CCSER1: variants seen among roughly 807,000 people sequenced by gnomAD.
CCSER1 encodes the protein coiled-coil serine rich protein 1.
CCSER1 carries 41 observed loss-of-function variants against 82.0 expected under a neutral mutation model. The observed-to-expected ratio is 0.50, with a 90% CI of 0.39 to 0.65. CCSER1 has a LOEUF of 0.65. Among genes scored for constraint, CCSER1 ranks in the 30% least tolerant of loss-of-function variants. The pLI, the probability that CCSER1 is intolerant of heterozygous loss-of-function variation, is 0.00. For missense variants in CCSER1, 1,119 were observed against 1,064.2 expected, an observed-to-expected ratio of 1.05 and a Z score of -0.72; for synonymous variants, 414 against 383.9, an observed-to-expected ratio of 1.08 and a Z score of -0.92.
chr4:90,986,704 GC>G, intron 9 of CCSER1, among the ~76,000 whole-genome samples: 1 of 151,856 alleles, frequency 6.6e-6, no homozygotes, highest in East Asian at 2.0e-4. Context: ...TAAAAAAATG[GC>G]AGTAGAAACA....
At position 90,937,799 on chromosome 4, in the gene CCSER1, A is replaced by G. The variant is rs1436318096; in HGVS notation, c.2172+14352A>G. Among the ~76,000 whole-genome samples the G allele has an allele frequency of 7.4e-4, 113 of 152,176 alleles. 1 individual carries two copies. The highest frequency in any genetic ancestry group is 1.2e-4 in the Non-Finnish European group (8 of 68,034). ...TCCAATTTCATATCCTTGATTGGAC[A>G]ACGCAAACAAGGAGTGATTTCTCTT... On this transcript the variant is annotated intron_variant, in intron 9 of 10. Transcript: ENST00000509176.
At chr4:90,740,205 A>C (rs950304434) in intron 7 of CCSER1, among the ~76,000 whole-genome samples, 30 of 152,320 alleles carry the variant, frequency 2.0e-4, no homozygotes, top group African/African-American at 7.2e-4. Context: ...TAAATTCTAA[A>C]TTGAGATATC....
chr4:90,738,409 AT>A (rs1050567898), intron 7 of CCSER1, among the ~76,000 whole-genome samples: 10 of 151,178 alleles, frequency 6.6e-5, no homozygotes, highest in South Asian at 6.3e-4. Flanking sequence ...GGTCAGGCGA[AT>A]TTTTTTTTGC....
At chr4:90,549,119 T>G (rs1777148356) in intron 5 of CCSER1, among the ~76,000 whole-genome samples, 1 of 152,190 alleles carries the variant, frequency 6.6e-6, no homozygotes, top group South Asian at 2.1e-4. Flanking sequence ...TGTGAGCATT[T>G]TTCACTAATC....
rs539845956 is a variant in CCSER1 at position 90,505,470 on chromosome 4, T to C, written c.1724+37116T>C. Among the ~76,000 whole-genome samples, 8 of 152,284 alleles carry C rather than the reference T, an allele frequency of 5.3e-5. No individual in the cohort carries two copies. In the South Asian group the frequency reaches 1.7e-3, roughly 32 times the overall value. On this transcript the variant is annotated intron_variant, in intron 5 of 10. Transcript: ENST00000509176. Reference sequence around the variant, plus strand: ...CTAAGTGATGCTGATTGATCTTAATTTGGGGTCTTGGGGGATGTCTCCATT... The same window carrying C: ...CTAAGTGATGCTGATTGATCTTAATCTGGGGTCTTGGGGGATGTCTCCATT...
At chr4:90,228,929 T>C (rs1392504064) in intron 1 of CCSER1, among the ~76,000 whole-genome samples, 1 of 152,064 alleles carries the variant, frequency 6.6e-6, no homozygotes, top group Non-Finnish European at 1.5e-5. Context: ...GAAAAAAGAA[T>C]AAAAAGAAAC....
At chr4:90,758,329 T>C (rs1018313151) in intron 7 of CCSER1, among the ~76,000 whole-genome samples, 167 of 150,250 alleles carry the variant, frequency 1.1e-3, no homozygotes, top group African/African-American at 4.1e-3. Flanking sequence ...TTAATGTGTG[T>C]CTTTTATCTT....
At chr4:90,275,663 A>G (rs1727409968) in intron 1 of CCSER1, among the ~76,000 whole-genome samples, 2 of 152,156 alleles carry the variant, frequency 1.3e-5, no homozygotes, top group Non-Finnish European at 2.9e-5. Flanking sequence ...ATATTCATGA[A>G]GCAGATCTTG....
intron 6 of CCSER1, among the ~76,000 whole-genome samples, chr4:90,648,286 A>AAAGAAAGAAAGAAAGGAAAGAAAGG (rs1728019336): frequency 2.2e-5 from 2 of 92,030 alleles, no homozygotes; most frequent in Non-Finnish European, 4.6e-5. Context: ...GAAAGAAAGG[A>AAAGAAAGAAAGAAAGGAAAGAAAGG]AAGAAAGAAA....
intron 10 of CCSER1, among the ~76,000 whole-genome samples, chr4:91,593,820 G>T (rs563754756): frequency 1.3e-5 from 2 of 152,092 alleles, no homozygotes; most frequent in Admixed American, 1.3e-4. Context: ...AGTGAATGTG[G>T]TTTATTTGTT....
chr4:90,393,711 A>T (rs1443603775), intron 3 of CCSER1, among the ~76,000 whole-genome samples: 1 of 151,958 alleles, frequency 6.6e-6, no homozygotes, highest in Non-Finnish European at 1.5e-5. Context: ...AATATTAATA[A>T]AGAGATTCAT....
At chr4:90,257,214 T>TAC (rs1723482528) in intron 1 of CCSER1, among the ~76,000 whole-genome samples, 1 of 107,756 alleles carries the variant, frequency 9.3e-6, no homozygotes, top group Non-Finnish European at 1.9e-5. Flanking sequence ...AATGAAATGT[T>TAC]ATATATATAT....
chr4:90,205,147 A>C (rs1258296295), intron 1 of CCSER1, among the ~76,000 whole-genome samples: 1 of 152,204 alleles, frequency 6.6e-6, no homozygotes, highest in Non-Finnish European at 1.5e-5. Flanking sequence ...AACAGAGATA[A>C]TTTGATGTTC....
chr4:90,867,150 G>C (rs141894753), intron 8 of CCSER1, among the ~76,000 whole-genome samples: 148 of 152,098 alleles, frequency 9.7e-4, no homozygotes, highest in African/African-American at 3.1e-3. Flanking sequence ...CCATCCAGAA[G>C]GCTTTAGATG....
intron 10 of CCSER1, among the ~76,000 whole-genome samples, chr4:91,098,394 T>C (rs1396858379): frequency 6.6e-6 from 1 of 152,232 alleles, no homozygotes; most frequent in Non-Finnish European, 1.5e-5. Flanking sequence ...ACAAGAATGA[T>C]TTCAACTGGA....
At chr4:90,660,958 T>TC (rs36022552) in intron 6 of CCSER1, among the ~76,000 whole-genome samples, 5 of 151,750 alleles carry the variant, frequency 3.3e-5, no homozygotes, top group Admixed American at 2.6e-4. Flanking sequence ...ACTTGGCACA[T>TC]AGTGCTCAAT....
intron 3 of CCSER1, among the ~76,000 whole-genome samples, chr4:90,324,218 A>G (rs1737700973): frequency 6.6e-6 from 1 of 152,164 alleles, no homozygotes; most frequent in African/African-American, 2.4e-5. Flanking sequence ...TGGTATTTCT[A>G]GTTCTAGATA....
At chr4:91,276,630 G>A (rs954306975) in intron 10 of CCSER1, among the ~76,000 whole-genome samples, 2 of 151,976 alleles carry the variant, frequency 1.3e-5, no homozygotes, top group African/African-American at 4.8e-5. Context: ...AATTTGGAAT[G>A]CCTTTTCTTT....
chr4:90,434,825 G>C (rs893285656), intron 4 of CCSER1, among the ~76,000 whole-genome samples: 4 of 152,128 alleles, frequency 2.6e-5, no homozygotes, highest in Non-Finnish European at 5.9e-5. Context: ...GATCAAACTT[G>C]TAGTTTGAAG....
Sources: gnomAD v4.1 joint callset for allele counts (sites outside exome capture counted in the v4.1 genomes callset) on GRCh38, gnomAD v4.1.1 for gene constraint, MANE v1.5 for transcripts, NCBI Gene and HGNC (gene_info 2026-07-23, HGNC 2026-07-21) for gene names.